Variants in TBCD observed in about 807,000 individuals in gnomAD.
TBCD encodes tubulin-specific chaperone D.
Under a neutral mutation model 169.3 loss-of-function variants are expected in TBCD, and 105 were observed. The ratio of observed to expected loss-of-function variants is 0.62; its 90% confidence interval spans 0.53 to 0.73. The LOEUF (loss-of-function observed/expected upper bound fraction) is 0.73, where lower values mean the gene tolerates loss of function less well. Among genes scored for constraint, TBCD ranks in the 30% least tolerant of loss-of-function variants. The probability of loss-of-function intolerance (pLI) is 0.00; values close to 1 mark genes in which losing one functional copy is unlikely to be tolerated. For synonymous variants in TBCD, 700 were observed against 643.9 expected (o/e 1.09, Z -1.32); for missense variants, 1,444 against 1,600.1 (o/e 0.90, Z 1.66).
chr17:82,805,903 G>T lies in TBCD; in HGVS notation c.979G>T (p.Ala327Ser). 2 of 1,611,198 alleles carry T rather than the reference G, an allele frequency of 1.2e-6. No individual in the cohort carries two copies. Among genetic ancestry groups the T allele is most frequent in the Non-Finnish European group, 1.7e-6 (2 of 1,177,584 alleles). ...RYQRGCRSLA[A>S]NLQLLTQGQS... ...CCAGCGTGGCTGCCGATCTTTGGCT[G>T]CAAATCTGCAGCTCCTCACTCAGGG... is the stretch of plus-strand genomic sequence containing the variant. The change falls in exon 10 of 39, where the codon GCA becomes TCA. Residue 327 changes from alanine (A) to serine (S), a missense_variant. Ala to Ser is a moderately conservative substitution (Grantham distance 99). Transcript: ENST00000355528.
At chr17:82,926,584 T>TA in intron 28 of TBCD, 93 bp downstream of exon 28, 1 of 1,060,894 alleles carries the variant, frequency 9.4e-7, no homozygotes, top group Non-Finnish European at 1.4e-6. Flanking sequence ...AGGCAGGACT[T>TA]ATGATTCTTC....
intron 8 of TBCD, among the ~76,000 whole-genome samples, chr17:82,799,867 C>G (rs936964672): frequency 6.6e-6 from 1 of 152,246 alleles, no homozygotes; most frequent in African/African-American, 2.4e-5. Context: ...GATGCTCTTT[C>G]AGCTGACCTG....
At chr17:82,848,440 C>G (rs1396278301) in intron 13 of TBCD, among the ~76,000 whole-genome samples, 1 of 152,146 alleles carries the variant, frequency 6.6e-6, no homozygotes, top group Non-Finnish European at 1.5e-5. Context: ...TTAAGAATTC[C>G]CACAGTTTTC....
chr17:82,931,723 T>C (rs1329654496), intron 33 of TBCD, among the ~76,000 whole-genome samples: 1 of 152,182 alleles, frequency 6.6e-6, no homozygotes, highest in African/African-American at 2.4e-5. Flanking sequence ...CTCTCCTGTG[T>C]GTTAGTCGGC....
intron 6 of TBCD, among the ~76,000 whole-genome samples, chr17:82,780,342 T>C (rs2048864995): frequency 6.6e-6 from 1 of 152,076 alleles, no homozygotes; most frequent in Non-Finnish European, 1.5e-5. Flanking sequence ...TTGTCGTTTC[T>C]CTCCAGAGTG....
intron 7 of TBCD, among the ~76,000 whole-genome samples, chr17:82,787,067 T>G (rs955556708): frequency 6.6e-6 from 1 of 152,150 alleles, no homozygotes; most frequent in South Asian, 2.1e-4. Context: ...ATCTCCAAGT[T>G]CCACGTTGAG....
At chr17:82,844,206 C>CGTGTGTGTGTGTGT (rs769300875) in intron 13 of TBCD, among the ~76,000 whole-genome samples, 34,556 of 127,234 alleles carry the variant, frequency 0.27, 5,563 homozygotes, top group Non-Finnish European at 0.32. Flanking sequence ...GGATGTTCTC[C>CGTGTGTGTGTGTGT]GTGTGTGTGT....
Position 82,925,111 on chromosome 17 carries a change from C to T in TBCD, c.2379+54C>T, listed in dbSNP as rs559836750. The T allele has an allele frequency of 2.6e-4, 362 of 1,388,432 alleles. 1 individual carries two copies. The African/African-American group carries it at 2.7e-3, about 10-fold the overall frequency. 86.0% of individuals were successfully genotyped at this position (1,388,432 alleles called of 1,614,324 possible). A position where few individuals can be genotyped will look rare whatever the true frequency, so the allele number is the denominator to read the frequency against. ...GCCTAGGGCGAGGGTGTGGGAGCCT[C>T]GTGTGTTGGGGCATGAGGTAGGCCC... On this transcript the variant is annotated intron_variant, in intron 27 of 38. Coordinates refer to ENST00000355528, the MANE Select transcript of TBCD (RefSeq NM_005993.5).
intron 23 of TBCD, among the ~76,000 whole-genome samples, chr17:82,917,999 G>A (rs971995641): frequency 6.6e-6 from 1 of 152,202 alleles, no homozygotes; most frequent in Non-Finnish European, 1.5e-5. Flanking sequence ...GTTGGTCTGC[G>A]TTATCTAGTC....
At chr17:82,769,310 A>G (rs964107009) in intron 5 of TBCD, among the ~76,000 whole-genome samples, 3 of 152,222 alleles carry the variant, frequency 2.0e-5, no homozygotes, top group Admixed American at 2.0e-4. Context: ...AACTCTGCTA[A>G]TGAGATGGAA....
At chr17:82,927,551 G>A (rs1271228148) in intron 29 of TBCD, among the ~76,000 whole-genome samples, 1 of 152,192 alleles carries the variant, frequency 6.6e-6, no homozygotes, top group Non-Finnish European at 1.5e-5. Flanking sequence ...GGCCTGTGTC[G>A]TCCTCGTTGA....
intron 11 of TBCD, among the ~76,000 whole-genome samples, chr17:82,808,377 T>G (rs1317384746): frequency 1.1e-5 from 1 of 91,592 alleles, no homozygotes; most frequent in Admixed American, 1.1e-4. Context: ...CAGCAGATGC[T>G]GGGGTTGGGG....
intron 8 of TBCD, 56 bp downstream of exon 8, chr17:82,797,858 A>G (rs1317721631): frequency 3.0e-6 from 4 of 1,346,974 alleles, no homozygotes; most frequent in Middle Eastern, 1.8e-4. Flanking sequence ...CTCATATACA[A>G]TCAAGTGTCT....
Position 82,780,112 on chromosome 17 carries a change from C to A in TBCD, c.639-1477C>A, listed in dbSNP as rs921518113. 5.3e-5 allele frequency among the ~76,000 whole-genome samples: 8 copies of A among 152,220 alleles called. No homozygotes were observed. The East Asian group carries it at 1.5e-3, about 29-fold the overall frequency. On this transcript the variant is annotated intron_variant, in intron 6 of 38. Coordinates refer to ENST00000355528, the MANE Select transcript of TBCD (RefSeq NM_005993.5). ...TGTCCCCAGCACCTCTCCCACTCGG[C>A]TGCTCTGCTTCGACCATGTTGCCTT...
intron 14 of TBCD, among the ~76,000 whole-genome samples, chr17:82,883,247 G>C (rs2058495214): frequency 6.6e-6 from 1 of 152,252 alleles, no homozygotes; most frequent in Non-Finnish European, 1.5e-5. Context: ...GGCGCTGGCG[G>C]CCTTGGAGGC....
At chr17:82,927,627 C>T (rs1599629726) in intron 29 of TBCD, among the ~76,000 whole-genome samples, 1 of 152,178 alleles carries the variant, frequency 6.6e-6, no homozygotes, top group Non-Finnish European at 1.5e-5. Context: ...GTTTTGCCAA[C>T]ATTTCTTGCT....
chr17:82,804,916 G>A (rs947647224), intron 9 of TBCD, among the ~76,000 whole-genome samples: 1 of 152,230 alleles, frequency 6.6e-6, no homozygotes, highest in Non-Finnish European at 1.5e-5. Context: ...GAAGCAGGTT[G>A]ATGGCATCAG....
chr17:82,830,280 G>A (rs1169220206), intron 13 of TBCD: 4 of 1,614,190 alleles, frequency 2.5e-6, no homozygotes, highest in Non-Finnish European at 3.4e-6. Flanking sequence ...GGTCACACTG[G>A]GCCTCTTGGC....
At chr17:82,762,336 T>C (rs183610024) in intron 2 of TBCD, among the ~76,000 whole-genome samples, 2 of 129,730 alleles carry the variant, frequency 1.5e-5, no homozygotes, top group South Asian at 4.9e-4. Flanking sequence ...AAAAAAAAAG[T>C]AATGCTACTG....
Sources: gnomAD v4.1 joint callset for allele counts (sites outside exome capture counted in the v4.1 genomes callset) on GRCh38, gnomAD v4.1.1 for gene constraint, MANE v1.5 for transcripts, NCBI Gene and HGNC (gene_info 2026-07-23, HGNC 2026-07-21) for gene names.